Variants in KIAA1614 observed in about 807,000 individuals in gnomAD.
KIAA1614 encodes uncharacterized protein KIAA1614.
KIAA1614 carries 76 observed loss-of-function variants against 88.7 expected under a neutral mutation model. The observed-to-expected ratio is 0.86, with a 90% CI of 0.71 to 1.04. KIAA1614 has a LOEUF of 1.04. Ranked by LOEUF, KIAA1614 falls within the 50% of genes least tolerant of loss-of-function variation. The pLI is 0.00. For synonymous variants in KIAA1614, 714 were observed against 675.5 expected (o/e 1.06, Z -0.88); for missense variants, 1,553 against 1,582.5 (o/e 0.98, Z 0.32).
Position 180,941,123 on chromosome 1 carries a change from C to T in KIAA1614, c.2997C>T (p.Ser999=), listed in dbSNP as rs1199594922. ...PLDQNKKRSS[S]IASTLGLKKL... is the part of the protein sequence containing the mutation. ...ACCAGAACAAGAAAAGGAGCAGCAG[C>T]ATAGCCTCCACCCTGGGGCTGAAAA... is the stretch of plus-strand genomic sequence containing the variant. The change falls in exon 7 of 9, where the codon AGC becomes AGT. Residue 999 remains serine, a synonymous_variant. Coordinates refer to ENST00000367588, the MANE Select transcript of KIAA1614 (RefSeq NM_020950.2). 1 of 1,613,380 alleles carries T rather than the reference C, an allele frequency of 6.2e-7. No individual in the cohort carries two copies. Among genetic ancestry groups the T allele is most frequent in the South Asian group, 1.1e-5 (1 of 91,066 alleles).
At position 180,935,542 on chromosome 1, in the gene KIAA1614, G is replaced by T; in HGVS notation, c.1633G>T (p.Asp545Tyr). 2 of 1,579,054 alleles carry T rather than the reference G, an allele frequency of 1.3e-6. No individual in the cohort carries two copies. Among genetic ancestry groups the T allele is most frequent in the South Asian group, 2.3e-5 (2 of 87,498 alleles). The change falls in exon 5 of 9, where the codon GAC becomes TAC. Residue 545 changes from aspartate to tyrosine, a missense_variant. Coordinates refer to ENST00000367588, the MANE Select transcript of KIAA1614 (RefSeq NM_020950.2). This position sits in a 1 kb window ranked among gnomAD's most constrained non-coding sequence, Gnocchi z 6.1. ...CCAGGCCTGCGGCAGCTGCATCGAC[G>T]ACCCGCGCCCCGCCCAGGGGAAGGC... ...RCQACGSCID[D>Y]PRPAQGKAPP...
Position 180,936,132 on chromosome 1 carries a change from T to C in KIAA1614, c.2223T>C (p.Thr741=). 1 of 1,614,092 alleles carries C rather than the reference T, an allele frequency of 6.2e-7. No individual in the cohort carries two copies. The highest frequency in any genetic ancestry group is 8.5e-7 in the Non-Finnish European group (1 of 1,179,992). ...SHQPHPLDSR[T]PCRTAYATTA... ...AGCCTCACCCTTTGGATTCCCGGAC[T>C]CCATGCAGGACAGCCTATGCCACCA... is the stretch of plus-strand genomic sequence containing the variant. The change falls in exon 5 of 9, where the codon ACT becomes ACC. Residue 741 remains threonine (T), a synonymous_variant. Transcript: ENST00000367588.
chr1:180,918,933 G>T (rs1342864231), intron 3 of KIAA1614, among the ~76,000 whole-genome samples: 1 of 152,194 alleles, frequency 6.6e-6, no homozygotes, highest in Admixed American at 6.5e-5. Flanking sequence ...TCAGCATCTG[G>T]TGAGGGCTGC....
At position 180,950,419 on chromosome 1, in the gene KIAA1614, C is replaced by T. The variant is rs1207930878; in HGVS notation, c.*4831C>T. On this transcript the variant is annotated 3_prime_UTR_variant, in exon 9 of 9. Transcript: ENST00000367588. ...TGCTGGGGGTGGGCGATGAGATCCTCGAGGTGAACGGGGCCAAGGTGGCAG... is the reference window on the plus strand; with the variant it reads ...TGCTGGGGGTGGGCGATGAGATCCTTGAGGTGAACGGGGCCAAGGTGGCAG... 20 of 1,218,298 alleles carry T rather than the reference C, an allele frequency of 1.6e-5. 1 individual carries two copies. Among genetic ancestry groups the T allele is most frequent in the South Asian group, 2.8e-5 (2 of 71,632 alleles). 75.5% of individuals were successfully genotyped at this position (1,218,298 alleles called of 1,614,324 possible). A position where few individuals can be genotyped will look rare whatever the true frequency, so the allele number is the denominator to read the frequency against.
chr1:180,944,410 C>A lies in KIAA1614; in HGVS notation c.3181C>A (p.Arg1061=). The A allele has an allele frequency of 6.2e-7, 1 of 1,613,764 alleles. No individual in the cohort carries two copies. The highest frequency in any genetic ancestry group is 2.2e-5 in the East Asian group (1 of 44,860). ...TCAGGTGTCACCCTCTCACCAGCGT[C>A]GGAAAGCTGCCTCTTTTCAGAACCT... The part of the protein sequence containing the change: ...LHPVSPSHQR[R]KAASFQNLHS... Residue 1061 remains arginine (R), a synonymous_variant, in exon 8 of 9, where the codon CGG becomes AGG. Coordinates refer to ENST00000367588, the MANE Select transcript of KIAA1614 (RefSeq NM_020950.2).
chr1:180,927,855 G>A (rs184740892), intron 3 of KIAA1614, among the ~76,000 whole-genome samples: 2 of 152,208 alleles, frequency 1.3e-5, no homozygotes, highest in Non-Finnish European at 2.9e-5. Flanking sequence ...TTTTGGATTG[G>A]GACTAAGGCA....
rs1420099151 is a variant in KIAA1614, at chr1:180,951,574, C to T, written c.*5986C>T. 4 of 152,452 alleles carry T rather than the reference C, an allele frequency of 2.6e-5. No individual in the cohort carries two copies. The highest frequency in any genetic ancestry group is 6.5e-5 in the Admixed American group (1 of 15,296). The allele number at this position is 152,452 out of a possible 1,614,324, so 9.4% of individuals were successfully genotyped here. ...TCTTTGGGAGTGGATGGCCATGTGT[C>T]AGTCTTAACTTACTAAAAAGCAAAG... On this transcript the variant is annotated 3_prime_UTR_variant, in exon 9 of 9. Coordinates refer to ENST00000367588, the MANE Select transcript of KIAA1614 (RefSeq NM_020950.2).
chr1:180,931,643 G>A (rs1433320775), intron 4 of KIAA1614, among the ~76,000 whole-genome samples: 3 of 152,198 alleles, frequency 2.0e-5, no homozygotes, highest in East Asian at 1.9e-4. Context: ...GTGATTAAGC[G>A]CTCCTCAATT....
chr1:180,921,696 A>G (rs1280843983), intron 3 of KIAA1614, among the ~76,000 whole-genome samples: 1 of 152,118 alleles, frequency 6.6e-6, no homozygotes, highest in Non-Finnish European at 1.5e-5. Flanking sequence ...ACTCCATGGG[A>G]TACGCTTATT....
chr1:180,945,047 C>A (rs1654558196), intron 8 of KIAA1614: 1 of 502,194 alleles, frequency 2.0e-6, no homozygotes, highest in Non-Finnish European at 3.5e-6. Context: ...CTCTGTACCC[C>A]CCAAAATTTG....
chr1:180,932,641 T>A (rs1654223155), intron 4 of KIAA1614, among the ~76,000 whole-genome samples: 1 of 152,254 alleles, frequency 6.6e-6, no homozygotes, highest in Non-Finnish European at 1.5e-5. Context: ...GCAGCCTTTT[T>A]AAGCACAGGA....
chr1:180,941,979 C>T (rs1448273860), intron 7 of KIAA1614, among the ~76,000 whole-genome samples: 13 of 152,228 alleles, frequency 8.5e-5, no homozygotes, highest in Non-Finnish European at 1.5e-4. Flanking sequence ...AATGCCCACT[C>T]ATCCATCTAC....
chr1:180,930,398 G>A (rs575084774), intron 4 of KIAA1614, among the ~76,000 whole-genome samples: 9 of 151,810 alleles, frequency 5.9e-5, no homozygotes, highest in East Asian at 1.9e-4. Context: ...CAGCCTGGGC[G>A]ACAGAGCAAA....
At chr1:180,940,393 C>T (rs761361117) in intron 6 of KIAA1614, among the ~76,000 whole-genome samples, 4 of 152,002 alleles carry the variant, frequency 2.6e-5, no homozygotes, top group Admixed American at 2.0e-4. Flanking sequence ...CCCAGCTAGT[C>T]GGGAGGCTGA....
In KIAA1614 at chr1:180,945,650, G is replaced by T; in HGVS notation, c.*62G>T. On this transcript the variant is annotated 3_prime_UTR_variant, in exon 9 of 9. Transcript: ENST00000367588. ...ACAGGACTAGGCTTCTCCCCTCAGG[G>T]GCTCTTTCTGAATTGTCCAGGGCTC... 2 of 1,504,002 alleles carry T rather than the reference G, an allele frequency of 1.3e-6. No individual in the cohort carries two copies. Among genetic ancestry groups the T allele is most frequent in the Non-Finnish European group, 1.8e-6 (2 of 1,134,608 alleles). The allele number at this position is 1,504,002 out of a possible 1,614,324, so 93.2% of individuals were successfully genotyped here. A position where few individuals can be genotyped will look rare whatever the true frequency, so the allele number is the denominator to read the frequency against.
At position 180,919,413 on chromosome 1, in the gene KIAA1614, C is replaced by T. The variant is rs889598657; in HGVS notation, c.1061+1499C>T. Among the ~76,000 whole-genome samples the T allele has an allele frequency of 2.0e-5, 3 of 152,220 alleles. No individual in the cohort carries two copies. In the South Asian group the frequency reaches 6.2e-4, roughly 31 times the overall value. On this transcript the variant is annotated intron_variant, in intron 3 of 8. Transcript: ENST00000367588. ...GCCACAGTGTTGAGGAGCGTGACTA[C>T]AGAAAGGCCTGTGGGCCTCAGCCGG...
Position 180,935,355 on chromosome 1 carries a change from C to A in KIAA1614, c.1446C>A (p.Ala482=). 6.8e-7 allele frequency: 1 copy of A among 1,468,552 alleles called. No individual in the cohort carries two copies. The allele number at this position is 1,468,552 out of a possible 1,614,324, so 91.0% of individuals were successfully genotyped here. ...AGGTGCTGAGCACCGTGTTGCAGGC[C>A]GCGGACCAGGGCCCCCTGCGCTCCA... ...QRQVLSTVLQ[A]ADQGPLRSKP... Residue 482 remains alanine, a synonymous_variant, in exon 5 of 9, where the codon GCC becomes GCA. Coordinates refer to ENST00000367588, the MANE Select transcript of KIAA1614 (RefSeq NM_020950.2). This position sits in a 1 kb window ranked among gnomAD's most constrained non-coding sequence, Gnocchi z 6.1.
chr1:180,923,753 A>C (rs1413016471), intron 3 of KIAA1614, among the ~76,000 whole-genome samples: 3 of 152,072 alleles, frequency 2.0e-5, no homozygotes, highest in Admixed American at 2.0e-4. Flanking sequence ...GTCCCGGCTG[A>C]GTGCGGGAGA....
At chr1:180,936,757 CTT>C in intron 5 of KIAA1614, 87 bp downstream of exon 5, 1 of 848,146 alleles carries the variant, frequency 1.2e-6, no homozygotes. Context: ...ACACACAGGC[CTT>C]CAGAGTCATT....
Sources: allele counts gnomAD v4.1 joint callset (sites outside exome capture counted in the v4.1 genomes callset), GRCh38; gene constraint gnomAD v4.1.1; non-coding constraint Gnocchi (gnomAD v3.1); transcripts MANE v1.5; gene names NCBI Gene and HGNC (gene_info 2026-07-23, HGNC 2026-07-21).